Variants in DIP2B observed in about 807,000 individuals in gnomAD.
The protein encoded by DIP2B is disco-interacting protein 2 homolog B.
DIP2B carries 76 observed loss-of-function variants against 198.0 expected under a neutral mutation model. The observed-to-expected ratio is 0.38, with a 90% CI of 0.32 to 0.46. DIP2B has a LOEUF of 0.46. Ranked by LOEUF, DIP2B falls within the 20% of genes least tolerant of loss-of-function variation. DIP2B has a pLI of 0.99. For synonymous variants in DIP2B, 701 were observed against 739.1 expected (o/e 0.95, Z 0.84); for missense variants, 1,559 against 1,978.4 (o/e 0.79, Z 4.02).
chr12:50,544,298 A>AT (rs1359435613), intron 1 of DIP2B, among the ~76,000 whole-genome samples: 1 of 152,054 alleles, frequency 6.6e-6, no homozygotes, highest in Non-Finnish European at 1.5e-5. Context: ...CACTAATGGT[A>AT]TTTAAGTAAA....
chr12:50,519,403 T>C (rs1958095631), intron 1 of DIP2B, among the ~76,000 whole-genome samples: 1 of 152,206 alleles, frequency 6.6e-6, no homozygotes, highest in African/African-American at 2.4e-5. Context: ...GCTGAGCCTC[T>C]TTTATTTTTT....
At chr12:50,707,658 C>G (rs866969978) in intron 21 of DIP2B, among the ~76,000 whole-genome samples, 1 of 152,048 alleles carries the variant, frequency 6.6e-6, no homozygotes, top group African/African-American at 2.4e-5. Context: ...AGACAGGAAC[C>G]ACATAAACAG....
chr12:50,689,918 C>T (rs1565871779), intron 12 of DIP2B, among the ~76,000 whole-genome samples: 1 of 151,942 alleles, frequency 6.6e-6, no homozygotes, highest in African/African-American at 2.4e-5. Flanking sequence ...TCAAATTTTG[C>T]AGAAAGGTTC....
chr12:50,593,230 G>A (rs926270597), intron 1 of DIP2B, among the ~76,000 whole-genome samples: 2 of 152,160 alleles, frequency 1.3e-5, no homozygotes, highest in Non-Finnish European at 2.9e-5. Flanking sequence ...TTGTTGGCTG[G>A]GTGCAGTGGC....
chr12:50,609,884 A>G (rs1959017015), intron 1 of DIP2B, among the ~76,000 whole-genome samples: 2 of 152,218 alleles, frequency 1.3e-5, no homozygotes, highest in Non-Finnish European at 1.5e-5. Flanking sequence ...TTAAAACACC[A>G]TGTTCATAAT....
At chr12:50,697,319 G>A (rs1592132471) in intron 17 of DIP2B, 144 bp downstream of exon 17, 6 of 682,636 alleles carry the variant, frequency 8.8e-6, no homozygotes, top group East Asian at 3.0e-5. Context: ...TGCTCAAAGT[G>A]TATGCAGTAA....
intron 4 of DIP2B, among the ~76,000 whole-genome samples, chr12:50,669,003 A>C (rs539619756): frequency 1.1e-4 from 17 of 151,766 alleles, no homozygotes; most frequent in Non-Finnish European, 2.5e-4. Context: ...TCATCACTTT[A>C]TCTCTTTGGG....
chr12:50,735,113 C>G lies in DIP2B; in HGVS notation c.4084C>G (p.Leu1362Val). The change falls in exon 34 of 38, where the codon CTC becomes GTC. Residue 1362 changes from leucine to valine, a missense_variant. Leu to Val is a conservative substitution (Grantham distance 32). Transcript: ENST00000301180. ...VERGAPQSLLLSESGKILPGV... is the reference protein window; with the variant it reads ...VERGAPQSLLVSESGKILPGV... ...ACGTGGCGCCCCTCAGAGTTTGCTT[C>G]TCTCAGAGTCTGGAAAGGTAATTTG... 6.2e-7 allele frequency: 1 copy of G among 1,614,140 alleles called. No homozygotes were observed. The highest frequency in any genetic ancestry group is 8.5e-7 in the Non-Finnish European group (1 of 1,180,020).
intron 26 of DIP2B, among the ~76,000 whole-genome samples, chr12:50,722,814 CA>C (rs907692155): frequency 1.3e-5 from 2 of 152,184 alleles, no homozygotes; most frequent in Admixed American, 6.5e-5. Context: ...CTTTTTAGAG[CA>C]GCCTTCTAAA....
At position 50,519,880 on chromosome 12, in the gene DIP2B, A is replaced by T. The variant is rs181080426; in HGVS notation, c.100+14640A>T. 1.7e-3 allele frequency among the ~76,000 whole-genome samples: 255 copies of T among 151,660 alleles called. 2 individuals are homozygous for T. Among genetic ancestry groups the T allele is most frequent in the Non-Finnish European group, 1.8e-3 (119 of 67,922 alleles). The stretch of plus-strand genomic sequence containing the variant: ...TTGGAGGACTGTTGCTTTTAGGCAT[A>T]CATTAAAGCATCTGCAAGATTTTTT... On this transcript the variant is annotated intron_variant, in intron 1 of 37. Coordinates refer to ENST00000301180, the MANE Select transcript of DIP2B (RefSeq NM_173602.3).
At chr12:50,669,295 T>C (rs573373120) in intron 4 of DIP2B, among the ~76,000 whole-genome samples, 3 of 152,290 alleles carry the variant, frequency 2.0e-5, no homozygotes, top group East Asian at 3.9e-4. Context: ...TCCTGGCACA[T>C]GTTGTGATTA....
At chr12:50,621,815 G>A (rs528185841) in intron 1 of DIP2B, among the ~76,000 whole-genome samples, 26 of 152,268 alleles carry the variant, frequency 1.7e-4, no homozygotes, top group African/African-American at 5.8e-4. Context: ...TGTAGTCCTC[G>A]CATTCTCACT....
intron 3 of DIP2B, among the ~76,000 whole-genome samples, chr12:50,641,822 C>T (rs1475901261): frequency 1.3e-5 from 2 of 152,086 alleles, no homozygotes; most frequent in Non-Finnish European, 2.9e-5. Context: ...ACTTCCTGTC[C>T]GCTGCACCAA....
At chr12:50,552,036 A>G (rs1325295370) in intron 1 of DIP2B, among the ~76,000 whole-genome samples, 5 of 152,120 alleles carry the variant, frequency 3.3e-5, no homozygotes, top group African/African-American at 1.2e-4. Context: ...CAGCATGCAC[A>G]AGGGCTCTCC....
At chr12:50,530,294 A>G (rs1958204806) in intron 1 of DIP2B, among the ~76,000 whole-genome samples, 1 of 152,108 alleles carries the variant, frequency 6.6e-6, no homozygotes, top group African/African-American at 2.4e-5. Flanking sequence ...GTTAGCCAGG[A>G]TGGTCTCAAT....
intron 1 of DIP2B, among the ~76,000 whole-genome samples, chr12:50,547,798 G>A (rs944739297): frequency 1.3e-5 from 2 of 152,108 alleles, no homozygotes; most frequent in Non-Finnish European, 2.9e-5. Context: ...GCTGGGTATA[G>A]TGGCTCATGC....
chr12:50,652,371 GCA>G (rs903825618), intron 3 of DIP2B, among the ~76,000 whole-genome samples: 8 of 124,434 alleles, frequency 6.4e-5, no homozygotes, highest in East Asian at 4.8e-4. Context: ...ACACACACAC[GCA>G]CACACACACA....
chr12:50,651,114 T>C (rs1281815539), intron 3 of DIP2B, among the ~76,000 whole-genome samples: 1 of 152,196 alleles, frequency 6.6e-6, no homozygotes, highest in Non-Finnish European at 1.5e-5. Flanking sequence ...TTTCATATGA[T>C]TGTTGGTTGT....
chr12:50,517,939 A>G (rs1260261053), intron 1 of DIP2B, among the ~76,000 whole-genome samples: 1 of 152,180 alleles, frequency 6.6e-6, no homozygotes, highest in Non-Finnish European at 1.5e-5. Flanking sequence ...ATCTCTGTAT[A>G]AGTAGTCATC....
Sources: allele counts gnomAD v4.1 joint callset (sites outside exome capture counted in the v4.1 genomes callset), GRCh38; gene constraint gnomAD v4.1.1; transcripts MANE v1.5; gene names NCBI Gene and HGNC (gene_info 2026-07-23, HGNC 2026-07-21).